Variants in CACNA1C observed in about 807,000 individuals in gnomAD.
CACNA1C encodes the protein calcium voltage-gated channel subunit alpha1 C.
A neutral mutation model predicts 229.0 loss-of-function variants in CACNA1C; 30 were observed. The ratio of observed to expected loss-of-function variants is 0.13; its 90% CI spans 0.10 to 0.18. The LOEUF is 0.18. Ranked by LOEUF, CACNA1C falls within the 10% of genes least tolerant of loss-of-function variation. The pLI, the probability that CACNA1C is intolerant of heterozygous loss-of-function variation, is 1.00. For synonymous variants in CACNA1C, 1,114 were observed against 1,132.5 expected (o/e 0.98, Z 0.33); for missense variants, 1,658 against 2,845.0 (o/e 0.58, Z 9.49).
chr12:1,988,239 C>A (rs1316729610), intron 1 of CACNA1C, among the ~76,000 whole-genome samples: 1 of 152,190 alleles, frequency 6.6e-6, no homozygotes, highest in Non-Finnish European at 1.5e-5. Flanking sequence ...ACCTCTGTGC[C>A]ATGTTATCTT....
chr12:2,004,217 G>A (rs781141437), intron 1 of CACNA1C: 1 of 1,593,936 alleles, frequency 6.3e-7, no homozygotes, highest in Admixed American at 1.7e-5. Flanking sequence ...CTCAAGTCCT[G>A]AGTCTGACGC....
At chr12:2,603,873 G>A (rs1026474341) in intron 22 of CACNA1C, 1 of 152,224 alleles carries the variant, frequency 6.6e-6, no homozygotes. Flanking sequence ...AGGGGAAACT[G>A]ACCATTTTTC....
chr12:2,174,943 T>C (rs928963422), intron 3 of CACNA1C, among the ~76,000 whole-genome samples: 4 of 152,088 alleles, frequency 2.6e-5, no homozygotes, highest in African/African-American at 9.7e-5. Flanking sequence ...TTGAGCAGAC[T>C]GAGGAAGAGA....
In CACNA1C at chr12:2,597,410, A is replaced by C; in HGVS notation, c.2853+121A>C. ...TGGTGTGGGGTTCACTCTCAGAGCC[A>C]CTAATCCAATTATGCTTATTTTTCA... is the stretch of plus-strand genomic sequence containing the variant. On this transcript the variant is annotated intron_variant, in intron 21 of 46. Transcript: ENST00000399655. This position sits in a 1 kb window ranked among gnomAD's most constrained non-coding sequence, Gnocchi z 4.3. The C allele has an allele frequency of 6.3e-7, 1 of 1,582,152 alleles. No individual in the cohort carries two copies. The highest frequency in any genetic ancestry group is 1.7e-4 in the Middle Eastern group (1 of 6,010).
chr12:2,437,155 T>C (rs1189449495), intron 3 of CACNA1C, among the ~76,000 whole-genome samples: 2 of 152,216 alleles, frequency 1.3e-5, no homozygotes, highest in Non-Finnish European at 2.9e-5. Flanking sequence ...AAAGTCAGCT[T>C]TAGCTGGGTT....
chr12:2,250,318 G>C (rs2075132294), intron 3 of CACNA1C, among the ~76,000 whole-genome samples: 1 of 152,168 alleles, frequency 6.6e-6, no homozygotes, highest in Non-Finnish European at 1.5e-5. Context: ...GGAGTTGGGA[G>C]CACTCAGCTT....
chr12:2,584,416 A>G, intron 15 of CACNA1C, 87 bp from the exon 16 acceptor site: 2 of 874,434 alleles, frequency 2.3e-6, no homozygotes, highest in Non-Finnish European at 1.9e-6. Context: ...GAGGAGCTCT[A>G]CCCTGCACGC....
In CACNA1C at chr12:2,662,199, G is replaced by A. The variant is rs541687074; in HGVS notation, c.4233-2626G>A. On this transcript the variant is annotated intron_variant, in intron 34 of 46. Coordinates refer to ENST00000399655, the MANE Select transcript of CACNA1C (RefSeq NM_000719.7). ...GGAGGTTGCAGTGAGCCAAGATTGC[G>A]CCACTGCACTGCAGTCTGGGGGACA... Among the ~76,000 whole-genome samples, 14 of 150,378 alleles carry A rather than the reference G, an allele frequency of 9.3e-5. No individual in the cohort carries two copies. In the South Asian group the frequency reaches 1.5e-3, roughly 16 times the overall value.
chr12:2,381,312 C>T (rs73244793), intron 3 of CACNA1C, among the ~76,000 whole-genome samples: 1,945 of 152,312 alleles, frequency 0.013, 46 homozygotes, highest in African/African-American at 0.042. Flanking sequence ...AGGCTAAGGG[C>T]CACCAAGTGA....
chr12:2,149,606 G>C (rs934523175), intron 3 of CACNA1C, among the ~76,000 whole-genome samples: 1 of 152,178 alleles, frequency 6.6e-6, no homozygotes, highest in African/African-American at 2.4e-5. Flanking sequence ...TTTATTAACT[G>C]TCTGCCCTAT....
chr12:2,663,991 C>T (rs551878581), intron 34 of CACNA1C, among the ~76,000 whole-genome samples: 2 of 152,184 alleles, frequency 1.3e-5, no homozygotes, highest in East Asian at 1.9e-4. Flanking sequence ...CCGCCCACCT[C>T]GGCCTCCCAA....
chr12:2,691,192 G>C lies in CACNA1C; in HGVS notation c.6410G>C (p.Ser2137Thr). 6.4e-7 allele frequency: 1 copy of C among 1,557,198 alleles called. No individual in the cohort carries two copies. Among genetic ancestry groups the C allele is most frequent in the Non-Finnish European group, 8.7e-7 (1 of 1,152,694 alleles). ...ELQDSRVYVS[S>T]L ...CAGGACAGCAGGGTCTACGTCAGCA[G>C]CCTGTAGTGGGCGCTGCCAGATGCG... Residue 2137 changes from serine (S) to threonine (T), a missense_variant, in exon 47 of 47, where the codon AGC (serine) becomes ACC (threonine). Coordinates refer to ENST00000399655, the MANE Select transcript of CACNA1C (RefSeq NM_000719.7).
chr12:2,547,283 G>A (rs1047364728), intron 9 of CACNA1C, among the ~76,000 whole-genome samples: 5 of 152,146 alleles, frequency 3.3e-5, no homozygotes, highest in Non-Finnish European at 7.4e-5. Flanking sequence ...ATGTTTTCCT[G>A]TATGTTTTGA....
intron 1 of CACNA1C, among the ~76,000 whole-genome samples, chr12:2,062,610 G>A (rs926495065): frequency 1.1e-4 from 17 of 152,280 alleles, no homozygotes; most frequent in African/African-American, 3.9e-4. Context: ...TGTTGTCGTG[G>A]TACCCCGCCT....
rs373550471 is a variant in CACNA1C at position 2,245,620 on chromosome 12, G to A, written c.477+125190G>A. On this transcript the variant is annotated intron_variant, in intron 3 of 46. Coordinates refer to ENST00000399655, the MANE Select transcript of CACNA1C (RefSeq NM_000719.7). ...TTATGACCCCAGAACACCTAGTACA[G>A]ATCCATAGCCATTTCTCTGTAATTC... is the stretch of plus-strand genomic sequence containing the variant. 3.8e-4 allele frequency among the ~76,000 whole-genome samples: 58 copies of A among 152,236 alleles called. 4 individuals are homozygous for A. Among genetic ancestry groups the A allele is most frequent in the South Asian group, 2.1e-3 (10 of 4,828 alleles).
At chr12:2,484,015 A>C (rs1220729264) in intron 5 of CACNA1C, among the ~76,000 whole-genome samples, 1 of 152,216 alleles carries the variant, frequency 6.6e-6, no homozygotes, top group Non-Finnish European at 1.5e-5. Flanking sequence ...TATGCTCAGC[A>C]CCAAGCCAGG....
At chr12:2,297,471 A>G (rs1253971774) in intron 3 of CACNA1C, among the ~76,000 whole-genome samples, 2 of 152,230 alleles carry the variant, frequency 1.3e-5, no homozygotes, top group Non-Finnish European at 2.9e-5. Flanking sequence ...TCAAGAGACA[A>G]TGGGTTGTTG....
chr12:2,185,563 T>G (rs1223654857), intron 3 of CACNA1C, among the ~76,000 whole-genome samples: 1 of 152,102 alleles, frequency 6.6e-6, no homozygotes, highest in African/African-American at 2.4e-5. Context: ...AGAAGAAACT[T>G]GGACACAGAC....
intron 7 of CACNA1C, among the ~76,000 whole-genome samples, chr12:2,497,056 T>G (rs2154574215): frequency 6.6e-6 from 1 of 152,334 alleles, no homozygotes; most frequent in Middle Eastern, 3.4e-3. Flanking sequence ...CACGTTTTGT[T>G]TTTTTCAAAA....
Sources: gnomAD v4.1 joint callset for allele counts (sites outside exome capture counted in the v4.1 genomes callset) on GRCh38, gnomAD v4.1.1 for gene constraint, Gnocchi (gnomAD v3.1) non-coding constraint, MANE v1.5 for transcripts, NCBI Gene and HGNC (gene_info 2026-07-23, HGNC 2026-07-21) for gene names.